Variants in COG4 observed in about 807,000 individuals in gnomAD.
COG4 encodes component of oligomeric golgi complex 4, also known as conserved oligomeric Golgi complex subunit 4.
COG4 carries 65 observed loss-of-function variants against 95.1 expected under a neutral mutation model. The observed-to-expected ratio is 0.68, with a 90% CI of 0.56 to 0.84. The LOEUF (loss-of-function observed/expected upper bound fraction) is 0.84, where lower values mean the gene tolerates loss of function less well. COG4 is among the 40% of genes least tolerant of loss of function. The probability of loss-of-function intolerance (pLI) is 0.00; values close to 1 mark genes in which losing one functional copy is unlikely to be tolerated. For synonymous variants in COG4, 421 were observed against 374.8 expected, an observed-to-expected ratio of 1.12 and a Z score of -1.42; for missense variants, 1,045 against 989.1, an observed-to-expected ratio of 1.06 and a Z score of -0.76.
At chr16:70,519,272 C>A (rs1205093752) in intron 2 of COG4, among the ~76,000 whole-genome samples, 4 of 89,412 alleles carry the variant, frequency 4.5e-5, no homozygotes, top group Non-Finnish European at 7.5e-5. Flanking sequence ...GGACTACAGG[C>A]GCCCGCCACC....
At chr16:70,494,568 A>G (rs902195025) in intron 12 of COG4, among the ~76,000 whole-genome samples, 1 of 152,212 alleles carries the variant, frequency 6.6e-6, no homozygotes, top group Non-Finnish European at 1.5e-5. Flanking sequence ...AGGTCCTCAC[A>G]GAGCGAATAT....
Position 70,514,332 on chromosome 16 carries a change from G to C in COG4, c.544+3C>G. On this transcript the variant is annotated splice_donor_region_variant and intron_variant, in intron 4 of 18. Transcript: ENST00000323786. ...CTAAAAACCAACAGTTTCGGATGCTGACCCTCTTTGCCCTGTCGGCTGAGC... is the reference window on the plus strand; with the variant it reads ...CTAAAAACCAACAGTTTCGGATGCTCACCCTCTTTGCCCTGTCGGCTGAGC... The C allele has an allele frequency of 6.2e-7, 1 of 1,614,052 alleles. No homozygotes were observed. The highest frequency in any genetic ancestry group is 1.3e-5 in the African/African-American group (1 of 75,040).
intron 13 of COG4, among the ~76,000 whole-genome samples, chr16:70,489,370 A>G (rs1243945438): frequency 6.6e-6 from 1 of 151,478 alleles, no homozygotes; most frequent in Non-Finnish European, 1.5e-5. Context: ...GGCGCCTGCC[A>G]CCATGGCTGG....
chr16:70,503,995 C>A (rs1567385028), intron 8 of COG4, among the ~76,000 whole-genome samples: 1 of 152,168 alleles, frequency 6.6e-6, no homozygotes, highest in Non-Finnish European at 1.5e-5. Flanking sequence ...GACATGCTGT[C>A]CTGCACCCTA....
intron 9 of COG4, among the ~76,000 whole-genome samples, chr16:70,500,719 A>G (rs1414158669): frequency 6.6e-6 from 1 of 152,162 alleles, no homozygotes; most frequent in African/African-American, 2.4e-5. Context: ...TATATCCCAT[A>G]AAATTTAAAA....
chr16:70,493,211 T>C (rs2151746753), intron 12 of COG4, among the ~76,000 whole-genome samples: 1 of 152,250 alleles, frequency 6.6e-6, no homozygotes, highest in South Asian at 2.1e-4. Context: ...GTCCTTAGGA[T>C]TTCCTGACAT....
At chr16:70,506,172 G>A (rs2049562226) in intron 8 of COG4, among the ~76,000 whole-genome samples, 1 of 151,862 alleles carries the variant, frequency 6.6e-6, no homozygotes, top group East Asian at 1.9e-4. Flanking sequence ...TGAGGTGGGT[G>A]GATCATGAGG....
chr16:70,485,587 GTTT>G (rs764600650), intron 13 of COG4, among the ~76,000 whole-genome samples: 2 of 124,136 alleles, frequency 1.6e-5, no homozygotes, highest in Admixed American at 8.1e-5. Context: ...TGTTTTTTTT[GTTT>G]TTTTTTTTTT....
At chr16:70,482,216 A>ATTGAATTCTTCCTGTTGTCAG in intron 15 of COG4, 41 bp from the exon 16 acceptor site, 1 of 1,254,594 alleles carries the variant, frequency 8.0e-7, no homozygotes, top group Non-Finnish European at 1.2e-6. Flanking sequence ...GGGCCTCATA[A>ATTGAATTCTTCCTGTTGTCAG]GAAGTACCAT....
At chr16:70,481,515 A>G (rs768219743) in intron 17 of COG4, 28 bp from the exon 18 acceptor site, 35 of 1,610,034 alleles carry the variant, frequency 2.2e-5, no homozygotes, top group Non-Finnish European at 2.9e-5. Flanking sequence ...CCCAGTCACT[A>G]CTTAGGCCTG....
At chr16:70,505,435 CT>C (rs1447875241) in intron 8 of COG4, among the ~76,000 whole-genome samples, 1 of 150,636 alleles carries the variant, frequency 6.6e-6, no homozygotes, top group Non-Finnish European at 1.5e-5. Context: ...ATTTCCTGAC[CT>C]CGTGATCCAC....
At chr16:70,519,806 G>A (rs1199836611) in intron 1 of COG4, 75 bp from the exon 2 acceptor site, 1 of 1,068,672 alleles carries the variant, frequency 9.4e-7, no homozygotes, top group African/African-American at 1.5e-5. Flanking sequence ...CAATCACTTA[G>A]CTGAAGGGTG....
chr16:70,509,106 G>T, intron 7 of COG4, 125 bp downstream of exon 7: 1 of 1,205,650 alleles, frequency 8.3e-7, no homozygotes, highest in Non-Finnish European at 1.2e-6. Context: ...GCCAGTGTGC[G>T]CTTAGCATTT....
Position 70,480,973 on chromosome 16 carries a change from T to A in COG4, c.*37A>T. On this transcript the variant is annotated 3_prime_UTR_variant, in exon 19 of 19. Coordinates refer to ENST00000323786, the MANE Select transcript of COG4 (RefSeq NM_015386.3). The stretch of plus-strand genomic sequence containing the variant: ...GCTGGGGCCCCTTAGGGAACAGGCC[T>A]GCAAGTGTGATGAGCCAGGTGTGCT... 6.2e-7 allele frequency: 1 copy of A among 1,609,916 alleles called. No homozygotes were observed.
At chr16:70,484,037 C>T (rs778010101) in intron 13 of COG4, 68 bp from the exon 14 acceptor site, 2 of 1,118,944 alleles carry the variant, frequency 1.8e-6, no homozygotes, top group Non-Finnish European at 2.7e-6. Context: ...GAGCCACCAG[C>T]CAGTTCTACT....
intron 10 of COG4, 35 bp from the exon 11 acceptor site, chr16:70,497,422 A>T: frequency 6.2e-7 from 1 of 1,604,142 alleles, no homozygotes; most frequent in Non-Finnish European, 8.5e-7. Flanking sequence ...TGAGGGTCCC[A>T]GTTGTGCATG....
At chr16:70,482,960 C>T (rs1215668399) in intron 14 of COG4, 139 bp from the exon 15 acceptor site, 1 of 667,198 alleles carries the variant, frequency 1.5e-6, no homozygotes, top group South Asian at 1.6e-5. Context: ...TCTCCTCTCC[C>T]CATTTCTTCC....
chr16:70,501,085 C>T lies in COG4; in HGVS notation c.1068G>A (p.Leu356=). ...STTEKIEPRE[L]DPILTEVTLM... ...GGGTGACCTCAGTCAGGATGGGGTC[C>T]AGTTCTCTGAGACACATGGAGCAGA... The change falls in exon 9 of 19, where the codon CTG becomes CTA. Residue 356 remains leucine, a synonymous_variant. Coordinates refer to ENST00000323786, the MANE Select transcript of COG4 (RefSeq NM_015386.3). The T allele has an allele frequency of 6.2e-7, 1 of 1,613,316 alleles. No individual in the cohort carries two copies. The highest frequency in any genetic ancestry group is 2.2e-5 in the East Asian group (1 of 44,878).
rs1181280770 is a variant in COG4 at position 70,509,928 on chromosome 16, G to T, written c.832C>A (p.Leu278Ile). The T allele has an allele frequency of 1.2e-6, 2 of 1,613,384 alleles. No individual in the cohort carries two copies. Among genetic ancestry groups the T allele is most frequent in the South Asian group, 2.2e-5 (2 of 91,056 alleles). ...GAAAGAGGCTCACCTTCAAACAGAA[G>T]AGTAAGTGTATCTGCAAAGATGACT... ...AAVIFADTLTLLFEGIARIVE... is the reference protein window; with the variant it reads ...AAVIFADTLTILFEGIARIVE... Residue 278 changes from leucine (L) to isoleucine (I), a missense_variant, in exon 6 of 19, where the codon CTT becomes ATT. Leu to Ile is a conservative substitution (Grantham distance 5). Transcript: ENST00000323786.
Sources: allele counts gnomAD v4.1 joint callset (sites outside exome capture counted in the v4.1 genomes callset), GRCh38; gene constraint gnomAD v4.1.1; transcripts MANE v1.5; gene names NCBI Gene and HGNC (gene_info 2026-07-23, HGNC 2026-07-21).